The following ZWILCH variants were observed in gnomAD, a reference collection of about 807,000 sequenced individuals.
ZWILCH encodes zwilch kinetochore protein.
Under a neutral mutation model 79.9 loss-of-function variants are expected in ZWILCH, and 74 were observed. The ratio of observed to expected loss-of-function variants is 0.93; its 90% CI spans 0.77 to 1.12. ZWILCH has a LOEUF of 1.12. ZWILCH is among the 50% of genes most tolerant of loss of function. The probability of loss-of-function intolerance (pLI) is 0.00; values close to 1 mark genes in which losing one functional copy is unlikely to be tolerated. For missense variants in ZWILCH, 694 were observed against 687.5 expected (o/e 1.01, Z -0.11); for synonymous variants, 241 against 228.2 (o/e 1.06, Z -0.51).
In ZWILCH at chr15:66,549,903, T is replaced by C; in HGVS notation, c.*1579T>C. On this transcript the variant is annotated 3_prime_UTR_variant, in exon 19 of 19. Transcript: ENST00000307897. ...TTATAAATAGAAATTTGACATTGCT[T>C]CAAAGAAACCTGATTTTAATCATAA... 1 of 511,786 alleles carries C rather than the reference T, an allele frequency of 2.0e-6. No individual in the cohort carries two copies. The highest frequency in any genetic ancestry group is 4.2e-5 in the South Asian group (1 of 23,734). 31.7% of individuals were successfully genotyped at this position (511,786 alleles called of 1,614,324 possible).
intron 4 of ZWILCH, among the ~76,000 whole-genome samples, chr15:66,518,286 G>C (rs890435446): frequency 7.9e-6 from 1 of 127,056 alleles, no homozygotes; most frequent in Non-Finnish European, 1.7e-5. Flanking sequence ...GACCTCTCGT[G>C]TCTTTTTTTT....
chr15:66,508,622 T>G, intron 1 of ZWILCH: 1 of 855,334 alleles, frequency 1.2e-6, no homozygotes, highest in Non-Finnish European at 1.6e-6. Flanking sequence ...TATTAATCTC[T>G]GTCACAGTTT....
chr15:66,517,349 T>C (rs116188667), intron 4 of ZWILCH, among the ~76,000 whole-genome samples: 1,947 of 150,070 alleles, frequency 0.013, 39 homozygotes, highest in African/African-American at 0.045. Flanking sequence ...TGTATATTGT[T>C]ACAACTATAT....
intron 17 of ZWILCH, among the ~76,000 whole-genome samples, chr15:66,544,724 T>TTTTTTTTTTTTTTGTGTGTGTG (rs145952622): frequency 4.4e-4 from 56 of 128,482 alleles, no homozygotes; most frequent in East Asian, 3.2e-3. Context: ...TTTTTGGTTT[T>TTTTTTTTTTTTTTGTGTGTGTG]TGTGTGTGTG....
chr15:66,515,875 T>G (rs990676725), intron 4 of ZWILCH, among the ~76,000 whole-genome samples: 1 of 152,202 alleles, frequency 6.6e-6, no homozygotes, highest in Non-Finnish European at 1.5e-5. Flanking sequence ...TATACCAATT[T>G]ATTGTTGTTT....
rs573485241 is a variant in ZWILCH, at chr15:66,535,477, A to G, written c.1342-456A>G. On this transcript the variant is annotated intron_variant, in intron 14 of 18. Coordinates refer to ENST00000307897, the MANE Select transcript of ZWILCH (RefSeq NM_017975.5). ...GATCACTTGAGGTCAGGAGTTTGAG[A>G]CCAGCCTGGGCAACGTGGTGAATTC... Among the ~76,000 whole-genome samples the G allele has an allele frequency of 1.4e-4, 21 of 152,172 alleles. No homozygotes were observed. The South Asian group carries it at 4.4e-3, about 32-fold the overall frequency.
At chr15:66,531,612 C>G (rs1342265840) in intron 12 of ZWILCH, among the ~76,000 whole-genome samples, 1 of 151,954 alleles carries the variant, frequency 6.6e-6, no homozygotes, top group East Asian at 1.9e-4. Flanking sequence ...CGCTTGCTAC[C>G]ACGGCCAGTT....
intron 2 of ZWILCH, among the ~76,000 whole-genome samples, chr15:66,513,729 G>A (rs141847620): frequency 0.064 from 9,799 of 151,990 alleles, 368 homozygotes; most frequent in Non-Finnish European, 0.086. Flanking sequence ...CCGCCACCAC[G>A]CCTGGCTAAT....
At position 66,527,929 on chromosome 15, in the gene ZWILCH, A is replaced by C; in HGVS notation, c.969+17A>C. On this transcript the variant is annotated intron_variant, in intron 10 of 18. Coordinates refer to ENST00000307897, the MANE Select transcript of ZWILCH (RefSeq NM_017975.5). Reference sequence around the variant, plus strand: ...GAGGTTGAGGTAAGTGATTATTATCAGTTAGAAATATACACAGAAATAGCT... The same window carrying C: ...GAGGTTGAGGTAAGTGATTATTATCCGTTAGAAATATACACAGAAATAGCT... The C allele has an allele frequency of 1.3e-6, 2 of 1,585,856 alleles. No homozygotes were observed. The highest frequency in any genetic ancestry group is 1.7e-6 in the Non-Finnish European group (2 of 1,167,910).
chr15:66,513,337 G>C (rs1310299423), intron 2 of ZWILCH, among the ~76,000 whole-genome samples: 2 of 151,904 alleles, frequency 1.3e-5, no homozygotes, highest in Non-Finnish European at 2.9e-5. Flanking sequence ...AGACAGAGGT[G>C]GGAGGACTGC....
Position 66,545,563 on chromosome 15 carries a change from A to G in ZWILCH, c.1688-1028A>G, listed in dbSNP as rs1378973853. Among the ~76,000 whole-genome samples the G allele has an allele frequency of 3.9e-5, 6 of 152,352 alleles. No individual in the cohort carries two copies. In the East Asian group the frequency reaches 7.7e-4, roughly 20 times the overall value. ...AAGCAATTTTCTAGTGCATTGGTCC[A>G]GTGACTCCTTTTATGAAAATAAGGA... is the stretch of plus-strand genomic sequence containing the variant. On this transcript the variant is annotated intron_variant, in intron 17 of 18. Transcript: ENST00000307897.
At chr15:66,512,632 G>C (rs1299151381) in intron 2 of ZWILCH, among the ~76,000 whole-genome samples, 3 of 152,000 alleles carry the variant, frequency 2.0e-5, no homozygotes, top group Non-Finnish European at 4.4e-5. Flanking sequence ...ATCCTGTGCA[G>C]AATCTCACTC....
At chr15:66,537,070 A>T in intron 15 of ZWILCH, 98 bp from the exon 16 acceptor site, 1 of 773,096 alleles carries the variant, frequency 1.3e-6, no homozygotes, top group Non-Finnish European at 2.1e-6. Context: ...AGTTAGTAGT[A>T]CTCAATAAAA....
chr15:66,532,566 GT>G (rs1894889629), intron 13 of ZWILCH, among the ~76,000 whole-genome samples, 163 bp downstream of exon 13: 1 of 151,402 alleles, frequency 6.6e-6, no homozygotes, highest in Non-Finnish European at 1.5e-5. Flanking sequence ...CTGGGCCTTA[GT>G]TTCCCCCCAA....
intron 17 of ZWILCH, among the ~76,000 whole-genome samples, chr15:66,544,724 T>TTGTGTGTGTGTGTG (rs1555426547): frequency 0.034 from 4,409 of 128,458 alleles, 109 homozygotes; most frequent in Admixed American, 0.036. Context: ...TTTTTGGTTT[T>TTGTGTGTGTGTGTG]TGTGTGTGTG....
At chr15:66,522,801 C>T (rs988349154) in intron 7 of ZWILCH, among the ~76,000 whole-genome samples, 1 of 152,008 alleles carries the variant, frequency 6.6e-6, no homozygotes, top group Admixed American at 6.6e-5. Flanking sequence ...AATAGTGGTT[C>T]CTTCAGAGTG....
At chr15:66,525,756 C>CTTTTTTTT (rs66835007) in intron 8 of ZWILCH, among the ~76,000 whole-genome samples, 113 of 93,474 alleles carry the variant, frequency 1.2e-3, no homozygotes, top group African/African-American at 1.8e-3. Context: ...TCACATTTTT[C>CTTTTTTTT]TTTTTTTTTT....
In ZWILCH at chr15:66,520,627, A is replaced by G. The variant is rs1179232151; in HGVS notation, c.558A>G (p.Lys186=). The G allele has an allele frequency of 1.3e-6, 2 of 1,552,732 alleles. No homozygotes were observed. Among genetic ancestry groups the G allele is most frequent in the Non-Finnish European group, 1.8e-6 (2 of 1,129,720 alleles). The change falls in exon 6 of 19, where the codon AAA becomes AAG. Residue 186 remains lysine (K), a synonymous_variant. Coordinates refer to ENST00000307897, the MANE Select transcript of ZWILCH (RefSeq NM_017975.5). ...ATTCTGTAAATCTTGAAAACCTAAA[A>G]AATTTACACAAGAAAAGACATCACT... ...KNYSVNLENL[K]NLHKKRHHLS...
intron 5 of ZWILCH, among the ~76,000 whole-genome samples, chr15:66,519,864 C>A (rs756059388): frequency 6.6e-6 from 1 of 152,196 alleles, no homozygotes; most frequent in Non-Finnish European, 1.5e-5. Context: ...GTAGTGCATT[C>A]ATAGGCCACT....
Sources: gnomAD v4.1 joint callset for allele counts (sites outside exome capture counted in the v4.1 genomes callset) on GRCh38, gnomAD v4.1.1 for gene constraint, MANE v1.5 for transcripts, NCBI Gene and HGNC (gene_info 2026-07-23, HGNC 2026-07-21) for gene names.